Variants in PPP3CA observed in about 807,000 individuals in gnomAD.
The protein encoded by PPP3CA is CAM-PRP catalytic subunit.
A neutral mutation model predicts 66.5 loss-of-function variants in PPP3CA; 14 were observed. That is an observed-to-expected ratio of 0.21 (90% confidence interval 0.14 to 0.33). The LOEUF (loss-of-function observed/expected upper bound fraction) is 0.33, where lower values mean the gene tolerates loss of function less well. Among genes scored for constraint, PPP3CA ranks in the 10% least tolerant of loss-of-function variants. PPP3CA has a pLI of 1.00. For synonymous variants in PPP3CA, 232 were observed against 226.2 expected (o/e 1.03, Z -0.23); for missense variants, 317 against 639.5 (o/e 0.50, Z 5.44).
chr4:101,168,438 A>G (rs992403995), intron 2 of PPP3CA, among the ~76,000 whole-genome samples: 4 of 152,202 alleles, frequency 2.6e-5, no homozygotes, highest in African/African-American at 9.7e-5. Context: ...GAGAATATTT[A>G]GGAATCATCT....
chr4:101,061,263 A>G lies in PPP3CA; in HGVS notation c.1082-102T>C, dbSNP rs1728450613. ...AGCAAACTTAGCAATAACATTTCTT[A>G]TTTAGTTTGTATATAGAAGCAGTTT... On this transcript the variant is annotated intron_variant, in intron 9 of 13. Transcript: ENST00000394854. 6.9e-6 allele frequency: 7 copies of G among 1,015,742 alleles called. 1 individual carries two copies. Among genetic ancestry groups the G allele is most frequent in the Non-Finnish European group, 1.1e-5 (7 of 656,922 alleles). 62.9% of individuals were successfully genotyped at this position (1,015,742 alleles called of 1,614,324 possible).
intron 1 of PPP3CA, among the ~76,000 whole-genome samples, chr4:101,312,056 C>A (rs972193399): frequency 3.3e-5 from 5 of 152,150 alleles, no homozygotes; most frequent in African/African-American, 1.2e-4. Flanking sequence ...CTTTGCCAAG[C>A]ACTTTTCTAT....
chr4:101,146,106 A>T (rs1311699757), intron 2 of PPP3CA, among the ~76,000 whole-genome samples: 1 of 152,190 alleles, frequency 6.6e-6, no homozygotes. Flanking sequence ...TTCATGCTGC[A>T]AGTTGGAATA....
At chr4:101,136,091 A>T (rs1722612049) in intron 2 of PPP3CA, among the ~76,000 whole-genome samples, 1 of 152,180 alleles carries the variant, frequency 6.6e-6, no homozygotes, top group East Asian at 1.9e-4. Context: ...TAGTTTATCT[A>T]TTTTTAAACA....
At chr4:101,121,735 T>C (rs1722037546) in intron 2 of PPP3CA, among the ~76,000 whole-genome samples, 1 of 152,104 alleles carries the variant, frequency 6.6e-6, no homozygotes, top group Non-Finnish European at 1.5e-5. Flanking sequence ...ATGAAATAAT[T>C]TAAAAATAAT....
intron 1 of PPP3CA, among the ~76,000 whole-genome samples, chr4:101,307,181 A>G (rs533470627): frequency 6.6e-6 from 1 of 152,112 alleles, no homozygotes; most frequent in Non-Finnish European, 1.5e-5. Context: ...AAAAAAAAAA[A>G]AAAAACAGAT....
rs1210013757 is a variant in PPP3CA at position 101,124,725 on chromosome 4, G to A, written c.260-15647C>T. Among the ~76,000 whole-genome samples the A allele has an allele frequency of 6.1e-3, 356 of 58,660 alleles. 4 individuals carry two copies. Among genetic ancestry groups the A allele is most frequent in the African/African-American group, 0.017 (293 of 17,488 alleles). 38.5% of individuals were successfully genotyped at this position (58,660 alleles called of 152,430 possible). On this transcript the variant is annotated intron_variant, in intron 2 of 13. Coordinates refer to ENST00000394854, the MANE Select transcript of PPP3CA (RefSeq NM_000944.5). ...AGAAAGAAAGAAAGAAAGAAAGAAA[G>A]AGAAAGAAAGAAAGAAAGAAAGAAA...
At chr4:101,077,374 T>C (rs1468098611) in intron 8 of PPP3CA, among the ~76,000 whole-genome samples, 5 of 152,242 alleles carry the variant, frequency 3.3e-5, no homozygotes, top group Admixed American at 2.0e-4. Flanking sequence ...TTTATTATCA[T>C]TTGCTTCTAA....
intron 3 of PPP3CA, among the ~76,000 whole-genome samples, chr4:101,099,956 C>T (rs1465707388): frequency 1.3e-5 from 2 of 151,450 alleles, no homozygotes; most frequent in African/African-American, 2.4e-5. Context: ...GATCATATAC[C>T]ACAAGAAAAC....
Position 101,311,597 on chromosome 4 carries a change from C to T in PPP3CA, c.58+35142G>A, listed in dbSNP as rs547222318. Among the ~76,000 whole-genome samples the T allele has an allele frequency of 1.5e-4, 23 of 152,142 alleles. 1 individual carries two copies. Among genetic ancestry groups the T allele is most frequent in the Middle Eastern group, 6.8e-3 (2 of 294 alleles). On this transcript the variant is annotated intron_variant, in intron 1 of 13. Transcript: ENST00000394854. ...GAGTTCAAGACCAGCCTGGCCAACA[C>T]GGCGAAAACCTGTCTCTAGCAAAAG...
At chr4:101,158,575 T>C (rs1463904747) in intron 2 of PPP3CA, among the ~76,000 whole-genome samples, 2 of 152,232 alleles carry the variant, frequency 1.3e-5, no homozygotes, top group East Asian at 1.9e-4. Flanking sequence ...TGAGAAATCA[T>C]GAGAGTAGTT....
At chr4:101,306,238 A>G (rs760399047) in intron 1 of PPP3CA, among the ~76,000 whole-genome samples, 1 of 152,110 alleles carries the variant, frequency 6.6e-6, no homozygotes, top group African/African-American at 2.4e-5. Flanking sequence ...CTAATTAGAG[A>G]GGGCACTTTT....
At chr4:101,298,136 G>A (rs1728253323) in intron 1 of PPP3CA, among the ~76,000 whole-genome samples, 1 of 151,896 alleles carries the variant, frequency 6.6e-6, no homozygotes, top group Non-Finnish European at 1.5e-5. Context: ...ATATATCCTA[G>A]GGTCAGAATA....
chr4:101,058,503 C>T lies in PPP3CA; in HGVS notation c.1156+2584G>A, dbSNP rs1257978877. Among the ~76,000 whole-genome samples, 3 of 152,030 alleles carry T rather than the reference C, an allele frequency of 2.0e-5. No individual in the cohort carries two copies. In the East Asian group the frequency reaches 5.8e-4, roughly 29 times the overall value. On this transcript the variant is annotated intron_variant, in intron 10 of 13. Coordinates refer to ENST00000394854, the MANE Select transcript of PPP3CA (RefSeq NM_000944.5). ...GGACAAAATTTCTCTGCAGGACTGA[C>T]TTAAAACTTAAAGAGTGGTAAAGGG... is the stretch of plus-strand genomic sequence containing the variant.
At chr4:101,120,158 C>T (rs1167464145) in intron 2 of PPP3CA, among the ~76,000 whole-genome samples, 1 of 152,014 alleles carries the variant, frequency 6.6e-6, no homozygotes, top group Non-Finnish European at 1.5e-5. Context: ...ACATATCTTT[C>T]ACTAGGTAGA....
chr4:101,137,101 G>C (rs1178623178), intron 2 of PPP3CA, among the ~76,000 whole-genome samples: 1 of 152,116 alleles, frequency 6.6e-6, no homozygotes, highest in Non-Finnish European at 1.5e-5. Flanking sequence ...TGTTTGATTA[G>C]TATAATTTTC....
At chr4:101,215,667 A>C (rs1005104860) in intron 1 of PPP3CA, among the ~76,000 whole-genome samples, 2 of 152,078 alleles carry the variant, frequency 1.3e-5, no homozygotes, top group Non-Finnish European at 2.9e-5. Context: ...TTCTAATCCT[A>C]ATGTCCCTTC....
rs141196226 is a variant in PPP3CA at position 101,241,689 on chromosome 4, T to G, written c.59-45573A>C. On this transcript the variant is annotated intron_variant, in intron 1 of 13. Coordinates refer to ENST00000394854, the MANE Select transcript of PPP3CA (RefSeq NM_000944.5). ...ATGTATTATTAGAATCTATTTCACC[T>G]GTAAATCTTTATTTGCTTTATTTTT... 4.2e-3 allele frequency among the ~76,000 whole-genome samples: 641 copies of G among 152,268 alleles called. 6 individuals carry two copies. The highest frequency in any genetic ancestry group is 0.015 in the African/African-American group (607 of 41,564).
At position 101,164,871 on chromosome 4, in the gene PPP3CA, G is replaced by GA. The variant is rs1236612498; in HGVS notation, c.259+31044dup. Among the ~76,000 whole-genome samples, 14 of 151,876 alleles carry GA rather than the reference G, an allele frequency of 9.2e-5. 1 individual carries two copies. Among genetic ancestry groups the GA allele is most frequent in the African/African-American group, 3.1e-4 (13 of 41,384 alleles). On this transcript the variant is annotated intron_variant, in intron 2 of 13. Transcript: ENST00000394854. ...ACCTAATCCACCAAAAAACTTAGAA[G>GA]AAAAAATGGTTCTACCAGAGATAAA... is the stretch of plus-strand genomic sequence containing the variant.
Sources: gnomAD v4.1 joint callset for allele counts (sites outside exome capture counted in the v4.1 genomes callset) on GRCh38, gnomAD v4.1.1 for gene constraint, MANE v1.5 for transcripts, NCBI Gene and HGNC (gene_info 2026-07-23, HGNC 2026-07-21) for gene names.